The following PAK3 variants were observed in gnomAD, a reference collection of about 807,000 sequenced individuals.
PAK3 encodes the protein p21 (RAC1) activated kinase 3.
Under a neutral mutation model 41.0 loss-of-function variants are expected in PAK3, and 4 were observed. The ratio of observed to expected loss-of-function variants is 0.10; its 90% CI spans 0.05 to 0.22. The LOEUF (loss-of-function observed/expected upper bound fraction) is 0.22. PAK3 is among the 10% of genes least tolerant of loss of function. The pLI is 1.00. For missense variants in PAK3, 205 were observed against 409.9 expected (o/e 0.50, Z 4.32); for synonymous variants, 146 against 139.6 (o/e 1.05, Z -0.32).
chrX:111,207,188 G>A (rs866637538), intron 16 of PAK3, among the ~76,000 whole-genome samples: 1 of 103,448 alleles, frequency 9.7e-6, no homozygotes, highest in Non-Finnish European at 2.0e-5. Context: ...ATATATATAC[G>A]TATATGTGTG....
chrX:111,021,842 C>T (rs148228261), intron 1 of PAK3, among the ~76,000 whole-genome samples: 8 of 109,960 alleles, frequency 7.3e-5, no homozygotes, highest in East Asian at 5.8e-4. Context: ...AAATCACAAC[C>T]GCAGGAAATC....
intron 16 of PAK3, among the ~76,000 whole-genome samples, chrX:111,212,066 A>G (rs1486579156): frequency 8.9e-6 from 1 of 111,885 alleles, no homozygotes; most frequent in Non-Finnish European, 1.9e-5. Flanking sequence ...AACCTGGTGG[A>G]CTATTTATAA....
chrX:111,047,581 G>A lies in PAK3; in HGVS notation c.-27-75496G>A, dbSNP rs181806915. On this transcript the variant is annotated intron_variant, in intron 1 of 14. Transcript: ENST00000425146. ...AGCCCTGCAGATGAGAACTCACTCA[G>A]GATATGAAGGGACCAGTAAGTAGCT... 6.3e-5 allele frequency among the ~76,000 whole-genome samples: 7 copies of A among 111,198 alleles called. No homozygotes were observed. The East Asian group carries it at 2.0e-3, about 32-fold the overall frequency.
intron 1 of PAK3, among the ~76,000 whole-genome samples, chrX:110,981,515 C>G (rs1454207091): frequency 9.5e-6 from 1 of 105,285 alleles, no homozygotes; most frequent in African/African-American, 3.4e-5. Flanking sequence ...TGATCTCCAT[C>G]TTACTCTCAA....
chrX:111,205,060 TA>T (rs915927124), intron 16 of PAK3, among the ~76,000 whole-genome samples: 2 of 108,507 alleles, frequency 1.8e-5, no homozygotes, highest in African/African-American at 6.7e-5. Flanking sequence ...GAGTGAATTG[TA>T]TTCCGATGTC....
intron 4 of PAK3, among the ~76,000 whole-genome samples, chrX:111,104,047 G>A (rs2093202476): frequency 8.9e-6 from 1 of 112,400 alleles, no homozygotes; most frequent in Non-Finnish European, 1.9e-5. Flanking sequence ...GGGCTCAAAA[G>A]TTCCCCAGCA....
chrX:111,198,409 G>A (rs1279969161), intron 16 of PAK3, among the ~76,000 whole-genome samples: 5 of 112,501 alleles, frequency 4.4e-5, no homozygotes, highest in Non-Finnish European at 5.6e-5. Context: ...CAGGGCCCAT[G>A]CCCAGAATGG....
At chrX:110,948,730 T>C (rs1206617076) in intron 1 of PAK3, among the ~76,000 whole-genome samples, 2 of 111,537 alleles carry the variant, frequency 1.8e-5, no homozygotes, top group African/African-American at 6.5e-5. Context: ...ACATTCGGGT[T>C]GCTGGTTCTA....
At position 111,224,176 on chromosome X, in the gene PAK3, T is replaced by A. The variant is rs1181961222; in HGVS notation, c.*3729T>A. On this transcript the variant is annotated 3_prime_UTR_variant, in exon 18 of 18. Transcript: ENST00000372007. ...TATGGCACACGCTTTCTTAGGAGACTATTATCTATAAGTTAAAGCTAGGGA... is the reference window on the plus strand; with the variant it reads ...TATGGCACACGCTTTCTTAGGAGACAATTATCTATAAGTTAAAGCTAGGGA... 9.0e-6 allele frequency: 1 copy of A among 111,402 alleles called. No homozygotes were observed. Among genetic ancestry groups the A allele is most frequent in the Admixed American group, 9.6e-5 (1 of 10,463 alleles). The allele number at this position is 111,402 out of a possible 1,213,427, so 9.2% of individuals were successfully genotyped here. A position where few individuals can be genotyped will look rare whatever the true frequency, so the allele number is the denominator to read the frequency against.
chrX:111,023,610 T>G (rs2092225285), intron 1 of PAK3, among the ~76,000 whole-genome samples: 1 of 112,442 alleles, frequency 8.9e-6, no homozygotes, highest in African/African-American at 3.2e-5. Context: ...AGTATCTCAT[T>G]GTGGTTTTGA....
At chrX:111,199,868 G>A (rs1283456162) in intron 16 of PAK3, among the ~76,000 whole-genome samples, 1 of 111,894 alleles carries the variant, frequency 8.9e-6, no homozygotes, top group Admixed American at 9.5e-5. Context: ...TGATCATGAG[G>A]AGGAAAGGAA....
intron 8 of PAK3, among the ~76,000 whole-genome samples, chrX:111,160,765 C>T (rs1161377993): frequency 9.0e-6 from 1 of 111,263 alleles, no homozygotes; most frequent in Non-Finnish European, 1.9e-5. Flanking sequence ...TGGTTTCCAG[C>T]TTCATCCACG....
intron 1 of PAK3, among the ~76,000 whole-genome samples, chrX:111,059,160 G>A (rs7056115): frequency 0.041 from 3,733 of 92,126 alleles, 250 homozygotes; most frequent in African/African-American, 0.14. Context: ...GCCATTGGAG[G>A]CTTTTGTTTG....
intron 1 of PAK3, among the ~76,000 whole-genome samples, chrX:110,999,024 G>A (rs989245404): frequency 6.3e-5 from 7 of 111,696 alleles, no homozygotes; most frequent in Admixed American, 4.8e-4. Flanking sequence ...GTAGTCACTT[G>A]TTCCAGGGAG....
At chrX:111,123,398 T>C (rs1001292878) in intron 5 of PAK3, 120 bp downstream of exon 5, 12 of 561,484 alleles carry the variant, frequency 2.1e-5, no homozygotes, top group Non-Finnish European at 3.5e-5. Context: ...CCTTTACATC[T>C]ACGTCTTCAG....
intron 1 of PAK3, among the ~76,000 whole-genome samples, chrX:111,011,854 A>G (rs1448280479): frequency 8.9e-6 from 1 of 112,534 alleles, no homozygotes; most frequent in Non-Finnish European, 1.9e-5. Flanking sequence ...TTTGCACTTA[A>G]CAGTGCATCA....
Position 111,147,746 on chromosome X carries a change from G to A in PAK3, c.286G>A (p.Glu96Lys). ...AVTGEFTGIP[E>K]QWARLLQTSN... ...CTTTGGTTGTCCACAGGGAATTCCA[G>A]AGCAATGGGCACGATTACTCCAAAC... is the stretch of plus-strand genomic sequence containing the variant. The change falls in exon 7 of 18, where the codon GAG (glutamate) becomes AAG (lysine). Residue 96 changes from glutamate to lysine, a missense_variant. By Grantham distance (56) the Glu-to-Lys change is moderately conservative. Around this residue, in one of 5 missense-constraint regions of PAK3, gnomAD observed 22 missense variants for 83.5 expected, o/e 0.26. Coordinates refer to ENST00000372007, the MANE Select transcript of PAK3 (RefSeq NM_002578.5). 8.3e-7 allele frequency: 1 copy of A among 1,199,548 alleles called. No homozygotes were observed. The highest frequency in any genetic ancestry group is 1.1e-6 in the Non-Finnish European group (1 of 884,600).
At chrX:110,973,211 G>C (rs943666077) in intron 1 of PAK3, among the ~76,000 whole-genome samples, 1 of 111,103 alleles carries the variant, frequency 9.0e-6, no homozygotes, top group Non-Finnish European at 1.9e-5. Flanking sequence ...GAAATACAGA[G>C]AACATCACAA....
intron 16 of PAK3, among the ~76,000 whole-genome samples, chrX:111,199,378 G>A (rs2094652885): frequency 9.0e-6 from 1 of 110,878 alleles, no homozygotes; most frequent in Non-Finnish European, 1.9e-5. Flanking sequence ...TGCTTTGATT[G>A]TATTTTTAAT....
Sources: allele counts gnomAD v4.1 joint callset (sites outside exome capture counted in the v4.1 genomes callset), GRCh38; gene constraint gnomAD v4.1.1; regional missense constraint gnomAD v4.1.1; transcripts MANE v1.5; gene names NCBI Gene and HGNC (gene_info 2026-07-23, HGNC 2026-07-21).